Variants in SHANK2 observed in about 807,000 individuals in gnomAD.
SHANK2 encodes SH3 and multiple ankyrin repeat domains protein 2.
In SHANK2, 43 loss-of-function variants were observed where a neutral mutation model predicts 133.7. The observed-to-expected ratio is 0.32, with a 90% CI of 0.25 to 0.41. The LOEUF (loss-of-function observed/expected upper bound fraction) is 0.41, where lower values mean the gene tolerates loss of function less well. Ranked by LOEUF, SHANK2 falls within the 10% of genes least tolerant of loss-of-function variation. SHANK2 has a pLI of 1.00. For synonymous variants in SHANK2, 1,017 were observed against 952.8 expected, an observed-to-expected ratio of 1.07 and a Z score of -1.24; for missense variants, 1,994 against 2,235.8, an observed-to-expected ratio of 0.89 and a Z score of 2.18.
intron 17 of SHANK2, among the ~76,000 whole-genome samples, chr11:70,640,314 C>A (rs1261910955): frequency 6.6e-6 from 1 of 152,130 alleles, no homozygotes; most frequent in African/African-American, 2.4e-5. Flanking sequence ...CACAGAATCG[C>A]AGAGAGGAGA....
chr11:70,867,696 A>G (rs1476270519), intron 11 of SHANK2, among the ~76,000 whole-genome samples: 2 of 152,130 alleles, frequency 1.3e-5, no homozygotes, highest in Non-Finnish European at 2.9e-5. Flanking sequence ...ACCCCAATAA[A>G]AGCTTTAACA....
At chr11:70,564,729 T>A (rs557978273) in intron 17 of SHANK2, among the ~76,000 whole-genome samples, 24 of 152,346 alleles carry the variant, frequency 1.6e-4, no homozygotes, top group African/African-American at 5.5e-4. Context: ...TATTGAGACT[T>A]CTCTGAGTTC....
chr11:70,771,652 C>T (rs1028214340), intron 14 of SHANK2, among the ~76,000 whole-genome samples: 14 of 152,232 alleles, frequency 9.2e-5, no homozygotes, highest in Middle Eastern at 6.8e-3. Context: ...GGCGTGGAGC[C>T]GCGCTGGGGG....
At chr11:71,122,066 A>G (rs1377153642) in intron 3 of SHANK2, among the ~76,000 whole-genome samples, 1 of 152,240 alleles carries the variant, frequency 6.6e-6, no homozygotes, top group African/African-American at 2.4e-5. Context: ...CACTAGTTCA[A>G]CTGTTGTGGA....
intron 1 of SHANK2, among the ~76,000 whole-genome samples, chr11:71,242,940 G>A (rs533664106): frequency 1.2e-4 from 19 of 152,324 alleles, no homozygotes; most frequent in African/African-American, 4.1e-4. Flanking sequence ...CAAATATGTG[G>A]AAATTAAACA....
chr11:71,250,122 G>A (rs1229445037), intron 1 of SHANK2, among the ~76,000 whole-genome samples: 1 of 124,046 alleles, frequency 8.1e-6, no homozygotes, highest in Non-Finnish European at 1.7e-5. Context: ...CCCCCTCCCC[G>A]GGGGTGGGGG....
chr11:70,837,831 C>G (rs1291873302), intron 11 of SHANK2, among the ~76,000 whole-genome samples: 1 of 151,808 alleles, frequency 6.6e-6, no homozygotes, highest in Non-Finnish European at 1.5e-5. Context: ...AAAAAATGAG[C>G]CAGGCATGGT....
At chr11:70,740,026 A>G (rs775731778) in intron 14 of SHANK2, among the ~76,000 whole-genome samples, 24 of 152,152 alleles carry the variant, frequency 1.6e-4, no homozygotes, top group Non-Finnish European at 3.4e-4. Flanking sequence ...CAGGGGCAGG[A>G]ATTTTGGGAT....
At chr11:71,064,462 G>A (rs1234773067) in intron 9 of SHANK2, among the ~76,000 whole-genome samples, 3 of 152,166 alleles carry the variant, frequency 2.0e-5, no homozygotes, top group African/African-American at 7.2e-5. Context: ...GCTGGGATGA[G>A]CTGGGCTGGA....
intron 8 of SHANK2, among the ~76,000 whole-genome samples, chr11:71,086,382 AAT>A (rs1237688446): frequency 3.1e-5 from 4 of 129,784 alleles, no homozygotes; most frequent in African/African-American, 1.2e-4. Flanking sequence ...ATACATTTAT[AAT>A]ATATGATATA....
At chr11:70,850,318 C>T (rs1055258940) in intron 11 of SHANK2, among the ~76,000 whole-genome samples, 2 of 152,218 alleles carry the variant, frequency 1.3e-5, no homozygotes, top group Non-Finnish European at 2.9e-5. Context: ...TGTCTCCAAG[C>T]TTCCACCCCA....
chr11:70,950,300 C>T (rs1187130565), intron 10 of SHANK2, among the ~76,000 whole-genome samples: 3 of 151,858 alleles, frequency 2.0e-5, no homozygotes, highest in Non-Finnish European at 4.4e-5. Context: ...CCTCAGCCTC[C>T]CGAGTAGCTG....
intron 14 of SHANK2, among the ~76,000 whole-genome samples, chr11:70,783,111 G>A (rs573963395): frequency 5.9e-5 from 9 of 152,262 alleles, no homozygotes; most frequent in African/African-American, 2.2e-4. Flanking sequence ...CTGTCTGCAA[G>A]CCAGGAAGAG....
intron 11 of SHANK2, among the ~76,000 whole-genome samples, chr11:70,884,709 T>A (rs955664129): frequency 2.0e-5 from 3 of 152,134 alleles, no homozygotes; most frequent in Non-Finnish European, 4.4e-5. Flanking sequence ...TAGAACACGA[T>A]GGGTATCTTT....
rs112781121 is a variant in SHANK2, at chr11:70,625,255, T to C, written c.2061+34573A>G. Reference sequence around the variant, plus strand: ...GACGTGTGACAACACGCATGGGGCATTGCCGCCAGGGATGCTCCCAGACCT... The same window carrying C: ...GACGTGTGACAACACGCATGGGGCACTGCCGCCAGGGATGCTCCCAGACCT... On this transcript the variant is annotated intron_variant, in intron 17 of 25. Transcript: ENST00000601538. Among the ~76,000 whole-genome samples the C allele has an allele frequency of 1.6e-3, 242 of 152,254 alleles. 1 individual carries two copies. Among genetic ancestry groups the C allele is most frequent in the African/African-American group, 5.5e-3 (229 of 41,562 alleles).
chr11:71,089,552 G>C (rs1951469649), intron 8 of SHANK2, among the ~76,000 whole-genome samples: 1 of 151,938 alleles, frequency 6.6e-6, no homozygotes, highest in African/African-American at 2.4e-5. Flanking sequence ...ACTGCTGCAG[G>C]CTGTGTATTC....
chr11:71,152,396 G>C (rs1274567724), intron 2 of SHANK2, among the ~76,000 whole-genome samples: 1 of 152,202 alleles, frequency 6.6e-6, no homozygotes, highest in Non-Finnish European at 1.5e-5. Flanking sequence ...TTACAGGCGT[G>C]AGCCACCGCG....
At chr11:70,787,394 ACTATCATCACCG>A (rs1555046850) in intron 14 of SHANK2, among the ~76,000 whole-genome samples, 16 of 150,476 alleles carry the variant, frequency 1.1e-4, no homozygotes, top group African/African-American at 3.9e-4. Context: ...TAGGATCACC[ACTATCATCACCG>A]TGACCACCAC....
chr11:71,151,560 G>A lies in SHANK2; in HGVS notation c.-12-4222C>T, dbSNP rs182567088. On this transcript the variant is annotated intron_variant, in intron 2 of 25. Transcript: ENST00000601538. Reference sequence around the variant, plus strand: ...GGGTTGGAAAGCAGTGCAGGCATGAGGGTGAAGGGAAAGAGCCCTTCTTAA... The same window carrying A: ...GGGTTGGAAAGCAGTGCAGGCATGAAGGTGAAGGGAAAGAGCCCTTCTTAA... Among the ~76,000 whole-genome samples, 515 of 152,326 alleles carry A rather than the reference G, an allele frequency of 3.4e-3. 3 individuals are homozygous for A. Among genetic ancestry groups the A allele is most frequent in the African/African-American group, 0.012 (491 of 41,570 alleles).
Sources: allele counts gnomAD v4.1 joint callset (sites outside exome capture counted in the v4.1 genomes callset), GRCh38; gene constraint gnomAD v4.1.1; transcripts MANE v1.5; gene names NCBI Gene and HGNC (gene_info 2026-07-23, HGNC 2026-07-21).